MYO18B: variants seen among roughly 807,000 people sequenced by gnomAD.
MYO18B encodes myosin XVIIIB.
A neutral mutation model predicts 273.0 loss-of-function variants in MYO18B; 204 were observed. The observed-to-expected ratio is 0.75, with a 90% CI of 0.67 to 0.84. The LOEUF (loss-of-function observed/expected upper bound fraction) is 0.84. Ranked by LOEUF, MYO18B falls within the 40% of genes least tolerant of loss-of-function variation. MYO18B has a pLI of 0.00. For synonymous variants in MYO18B, 1,330 were observed against 1,305.7 expected, an observed-to-expected ratio of 1.02 and a Z score of -0.40; for missense variants, 3,212 against 3,287.6, an observed-to-expected ratio of 0.98 and a Z score of 0.56.
intron 37 of MYO18B, among the ~76,000 whole-genome samples, chr22:25,950,933 C>T (rs1453760137): frequency 6.6e-6 from 1 of 152,162 alleles, no homozygotes; most frequent in East Asian, 1.9e-4. Context: ...CTTCTGCAAG[C>T]TAAGGAGCAA....
chr22:25,848,211 T>G (rs1448974084), intron 20 of MYO18B, among the ~76,000 whole-genome samples: 2 of 152,080 alleles, frequency 1.3e-5, no homozygotes, highest in Admixed American at 1.3e-4. Flanking sequence ...TCAGTTTGGT[T>G]TGGGAGGTTG....
chr22:25,777,565 C>T lies in MYO18B; in HGVS notation c.1870-18C>T, dbSNP rs779266878. On this transcript the variant is annotated intron_variant, in intron 7 of 43. Coordinates refer to ENST00000335473, the MANE Select transcript of MYO18B (RefSeq NM_032608.7). ...CAGTGGCTGGATGGGATGGCTGATA[C>T]CTGTGATCTTCCTGCAGGTGCCCAA... is the stretch of plus-strand genomic sequence containing the variant. 9 of 1,569,472 alleles carry T rather than the reference C, an allele frequency of 5.7e-6. No homozygotes were observed. In the East Asian group the frequency reaches 1.6e-4, roughly 28 times the overall value.
intron 21 of MYO18B, 122 bp downstream of exon 21, chr22:25,851,701 C>T (rs1799225109): frequency 1.3e-6 from 1 of 740,970 alleles, no homozygotes; most frequent in Non-Finnish European, 2.3e-6. Context: ...TTTGGGATAC[C>T]CAGGTGGGTG....
intron 39 of MYO18B, among the ~76,000 whole-genome samples, chr22:25,959,699 C>T (rs965494669): frequency 6.6e-6 from 1 of 152,176 alleles, no homozygotes; most frequent in Non-Finnish European, 1.5e-5. Context: ...ATGTTCAAGC[C>T]GTTTGCAGAA....
intron 40 of MYO18B, among the ~76,000 whole-genome samples, chr22:25,995,110 A>G (rs1295275683): frequency 6.6e-6 from 1 of 152,238 alleles, no homozygotes; most frequent in Non-Finnish European, 1.5e-5. Flanking sequence ...CAGCCATAAA[A>G]AAGAATGAGA....
intron 10 of MYO18B, among the ~76,000 whole-genome samples, chr22:25,783,051 GT>G (rs1255592131): frequency 5.9e-5 from 9 of 152,242 alleles, no homozygotes; most frequent in African/African-American, 1.9e-4. Flanking sequence ...GTATCCCAGT[GT>G]TGTGGTGAGG....
At chr22:26,040,519 T>G in the MYO18B span, among the ~76,000 whole-genome samples, 1 of 152,060 alleles carries the variant, frequency 6.6e-6, no homozygotes, top group African/African-American at 2.4e-5. Flanking sequence ...TACAAGATAT[T>G]AGGACGCTGA....
At chr22:25,988,662 C>T (rs182393656) in intron 39 of MYO18B, among the ~76,000 whole-genome samples, 1 of 152,286 alleles carries the variant, frequency 6.6e-6, no homozygotes, top group Non-Finnish European at 1.5e-5. Flanking sequence ...GTGACCTTGG[C>T]AAATCTCCAC....
At chr22:25,775,734 G>T (rs2086889998) in intron 7 of MYO18B, among the ~76,000 whole-genome samples, 1 of 152,060 alleles carries the variant, frequency 6.6e-6, no homozygotes, top group African/African-American at 2.4e-5. Flanking sequence ...ACCTGTCCCT[G>T]TCAGGATGCT....
chr22:25,855,560 G>A (rs2090546713), intron 21 of MYO18B, among the ~76,000 whole-genome samples: 1 of 152,194 alleles, frequency 6.6e-6, no homozygotes, highest in Non-Finnish European at 1.5e-5. Flanking sequence ...CATTACAGGT[G>A]TGAGCCACTG....
intron 12 of MYO18B, among the ~76,000 whole-genome samples, chr22:25,802,155 C>A (rs763908234): frequency 1.3e-5 from 2 of 152,210 alleles, no homozygotes; most frequent in African/African-American, 2.4e-5. Context: ...CTCATGACCC[C>A]CTTCTCTTGT....
At chr22:25,854,887 C>G (rs1423589057) in intron 21 of MYO18B, among the ~76,000 whole-genome samples, 2 of 152,098 alleles carry the variant, frequency 1.3e-5, no homozygotes, top group Non-Finnish European at 2.9e-5. Flanking sequence ...GGATGTATAC[C>G]TTATTTTACC....
chr22:25,857,590 C>T (rs1478814230), intron 21 of MYO18B, among the ~76,000 whole-genome samples: 1 of 152,212 alleles, frequency 6.6e-6, no homozygotes, highest in African/African-American at 2.4e-5. Context: ...ACCACCTTCG[C>T]TCCTGAAATT....
intron 12 of MYO18B, among the ~76,000 whole-genome samples, chr22:25,813,184 CTTT>C (rs66708568): frequency 3.1e-3 from 303 of 98,566 alleles, no homozygotes; most frequent in African/African-American, 0.01. Context: ...CTTCTTCTTC[CTTT>C]TTTTTTTTTT....
chr22:25,986,279 G>T (rs529784463), intron 39 of MYO18B, among the ~76,000 whole-genome samples: 3 of 152,340 alleles, frequency 2.0e-5, no homozygotes, highest in Admixed American at 2.0e-4. Flanking sequence ...GGTGGATGAG[G>T]AGATTGTTCA....
chr22:25,802,775 A>AC lies in MYO18B; in HGVS notation c.2521+4678_2521+4679insC, dbSNP rs1391345288. ...CTCAAAAAAAAAAAAAAAAAAAAAA[A>AC]ACCCCTATAGCCTTTAGCTATTGCC... On this transcript the variant is annotated intron_variant, in intron 12 of 43. Transcript: ENST00000335473. Among the ~76,000 whole-genome samples, 23 of 149,786 alleles carry AC rather than the reference A, an allele frequency of 1.5e-4. No individual in the cohort carries two copies. In the East Asian group the frequency reaches 1.9e-3, roughly 12 times the overall value.
At chr22:25,802,765 A>C (rs28875021) in intron 12 of MYO18B, among the ~76,000 whole-genome samples, 35 of 90,758 alleles carry the variant, frequency 3.9e-4, no homozygotes, top group African/African-American at 1.2e-3. Context: ...AAAAAAAAAA[A>C]AAAAAAAAAA....
intron 42 of MYO18B, among the ~76,000 whole-genome samples, chr22:26,009,046 G>A (rs184810298): frequency 6.6e-6 from 1 of 152,242 alleles, no homozygotes; most frequent in African/African-American, 2.4e-5. Flanking sequence ...TATTGTCATC[G>A]GGCAGTCGCT....
At chr22:25,798,233 G>A in intron 12 of MYO18B, 136 bp downstream of exon 12, 2 of 1,201,424 alleles carry the variant, frequency 1.7e-6, no homozygotes, top group Non-Finnish European at 2.2e-6. Context: ...CCCTTGGGGA[G>A]GCTGCTGAAA....
Sources: allele counts gnomAD v4.1 joint callset (sites outside exome capture counted in the v4.1 genomes callset), GRCh38; gene constraint gnomAD v4.1.1; transcripts MANE v1.5; gene names NCBI Gene and HGNC (gene_info 2026-07-23, HGNC 2026-07-21).